The following OSBPL10 variants were observed in gnomAD, a reference collection of about 807,000 sequenced individuals.
OSBPL10 encodes oxysterol binding protein like 10.
Under a neutral mutation model 81.7 loss-of-function variants are expected in OSBPL10, and 49 were observed. That is an observed-to-expected ratio of 0.60 (90% confidence interval 0.48 to 0.76). The LOEUF (loss-of-function observed/expected upper bound fraction) is 0.76, where lower values mean the gene tolerates loss of function less well. Ranked by LOEUF, OSBPL10 falls within the 30% of genes least tolerant of loss-of-function variation. The pLI is 0.00. For missense variants in OSBPL10, 923 were observed against 987.8 expected, an observed-to-expected ratio of 0.93 and a Z score of 0.88; for synonymous variants, 419 against 383.6, an observed-to-expected ratio of 1.09 and a Z score of -1.08.
At chr3:31,739,222 C>T (rs1373949306) in intron 5 of OSBPL10, among the ~76,000 whole-genome samples, 1 of 152,066 alleles carries the variant, frequency 6.6e-6, no homozygotes. Context: ...ACCACTATAC[C>T]TGGCTGAGGT....
chr3:31,681,423 G>A (rs913886000), intron 8 of OSBPL10, among the ~76,000 whole-genome samples: 3 of 152,136 alleles, frequency 2.0e-5, no homozygotes, highest in African/African-American at 7.2e-5. Flanking sequence ...CCCTAAATAA[G>A]GAGGAACTGT....
chr3:31,853,904 T>C (rs1206324872), intron 3 of OSBPL10, among the ~76,000 whole-genome samples: 1 of 152,232 alleles, frequency 6.6e-6, no homozygotes, highest in East Asian at 1.9e-4. Flanking sequence ...CTAAGGCAGT[T>C]ATTTATAACG....
chr3:31,727,596 G>A (rs1327455833), intron 6 of OSBPL10, among the ~76,000 whole-genome samples: 1 of 152,148 alleles, frequency 6.6e-6, no homozygotes, highest in Non-Finnish European at 1.5e-5. Context: ...ATTCAATAAA[G>A]TGATTTTCAA....
intron 6 of OSBPL10, among the ~76,000 whole-genome samples, chr3:31,726,875 ACT>A (rs141423467): frequency 0.097 from 14,676 of 151,558 alleles, 1,744 homozygotes; most frequent in African/African-American, 0.28. Context: ...ACTGGATCTC[ACT>A]CTGTCACCAA....
intron 7 of OSBPL10, among the ~76,000 whole-genome samples, chr3:31,687,925 A>ATAAT (rs1700834162): frequency 8.2e-6 from 1 of 121,428 alleles, no homozygotes; most frequent in African/African-American, 2.8e-5. Flanking sequence ...AATAATAATA[A>ATAAT]TTTTTTTAAA....
At chr3:32,013,439 A>G (rs936468611) in intron 2 of OSBPL10, among the ~76,000 whole-genome samples, 2 of 152,214 alleles carry the variant, frequency 1.3e-5, no homozygotes, top group Non-Finnish European at 2.9e-5. Flanking sequence ...GGACACATTT[A>G]AAGCAGTGTG....
chr3:31,727,815 TATGTATCATGGGG>T (rs1696854985), intron 6 of OSBPL10, among the ~76,000 whole-genome samples: 1 of 152,196 alleles, frequency 6.6e-6, no homozygotes, highest in African/African-American at 2.4e-5. Context: ...CCTATACCTT[TATGTATCATGGGG>T]ATGAAAAATT....
chr3:31,776,479 GT>G (rs1698552488), intron 4 of OSBPL10, among the ~76,000 whole-genome samples: 1 of 152,088 alleles, frequency 6.6e-6, no homozygotes, highest in African/African-American at 2.4e-5. Context: ...ATGAACACTG[GT>G]ACCTAAACAA....
At chr3:32,052,610 A>G (rs1049334381) in intron 1 of OSBPL10, among the ~76,000 whole-genome samples, 1 of 152,258 alleles carries the variant, frequency 6.6e-6, no homozygotes, top group Non-Finnish European at 1.5e-5. Flanking sequence ...ATACCACGGA[A>G]TACCATGCAG....
chr3:31,732,909 A>G, intron 6 of OSBPL10: 1 of 288,442 alleles, frequency 3.5e-6, no homozygotes, highest in Non-Finnish European at 6.5e-6. Context: ...GCCATTATTC[A>G]GGGGAGCGAC....
intron 1 of OSBPL10, among the ~76,000 whole-genome samples, chr3:31,963,283 AAAGT>A (rs1698220928): frequency 6.6e-6 from 1 of 151,522 alleles, no homozygotes; most frequent in Non-Finnish European, 1.5e-5. Context: ...CTCCTTATAT[AAAGT>A]GTTTCCTCAA....
chr3:32,009,521 A>G (rs996677780), intron 2 of OSBPL10, among the ~76,000 whole-genome samples: 5 of 152,220 alleles, frequency 3.3e-5, no homozygotes, highest in Non-Finnish European at 7.3e-5. Context: ...TGCATTTCCA[A>G]GTTAAGTGCT....
chr3:32,065,746 G>A lies in OSBPL10; in HGVS notation n.185+11650C>T, dbSNP rs2125444355. ...AAAATACAAAAATCAGCCAGGCATG[G>A]TGGCATCTGTCTGTGGTCCCAGCTA... On this transcript the variant is annotated intron_variant and non_coding_transcript_variant, in intron 1 of 3. Coordinates refer to the OSBPL10 transcript ENST00000479173. Among the ~76,000 whole-genome samples the A allele has an allele frequency of 2.2e-5, 2 of 89,084 alleles. 1 individual carries two copies. Among genetic ancestry groups the A allele is most frequent in the South Asian group, 9.0e-4 (2 of 2,216 alleles). The allele number at this position is 89,084 out of a possible 152,430, so 58.4% of individuals were successfully genotyped here.
intron 1 of OSBPL10, among the ~76,000 whole-genome samples, chr3:31,946,083 T>G (rs1466085726): frequency 6.6e-6 from 1 of 151,916 alleles, no homozygotes; most frequent in East Asian, 1.9e-4. Flanking sequence ...CAGGTTCAAG[T>G]GATTCTCCTG....
chr3:31,697,391 TG>T (rs35807706), intron 7 of OSBPL10, among the ~76,000 whole-genome samples: 113,993 of 151,564 alleles, frequency 0.75, 43,690 homozygotes, highest in African/African-American at 0.83. Context: ...TAAAAAAAAT[TG>T]GGGGGGGGTT....
intron 4 of OSBPL10, among the ~76,000 whole-genome samples, chr3:31,809,762 C>T (rs1280497791): frequency 2.6e-5 from 4 of 151,602 alleles, no homozygotes; most frequent in Non-Finnish European, 5.9e-5. Flanking sequence ...ATTTAGTATG[C>T]AACTTAGGTA....
chr3:31,853,658 T>C (rs542448881), intron 3 of OSBPL10, among the ~76,000 whole-genome samples: 58 of 152,338 alleles, frequency 3.8e-4, no homozygotes, highest in African/African-American at 1.3e-3. Context: ...ATTTTCCTAC[T>C]TATTATTATT....
intron 1 of OSBPL10, among the ~76,000 whole-genome samples, chr3:31,890,576 G>A (rs989490984): frequency 3.9e-5 from 6 of 152,060 alleles, no homozygotes; most frequent in African/African-American, 9.7e-5. Context: ...TAAAGCACCA[G>A]AATAAGTCAA....
intron 3 of OSBPL10, among the ~76,000 whole-genome samples, chr3:31,866,308 C>G (rs1287640420): frequency 6.6e-6 from 1 of 152,120 alleles, no homozygotes; most frequent in African/African-American, 2.4e-5. Context: ...TCAATGTCCC[C>G]AAACAGGGGT....
Sources: allele counts gnomAD v4.1 joint callset (sites outside exome capture counted in the v4.1 genomes callset), GRCh38; gene constraint gnomAD v4.1.1; transcripts MANE v1.5; gene names NCBI Gene and HGNC (gene_info 2026-07-23, HGNC 2026-07-21).